FRMD7: variants seen among roughly 807,000 people sequenced by gnomAD.
FRMD7 encodes FERM domain-containing protein 7.
In FRMD7, 14 loss-of-function variants were observed where a neutral mutation model predicts 44.1. The observed-to-expected ratio is 0.32, with a 90% CI of 0.21 to 0.50. The LOEUF (loss-of-function observed/expected upper bound fraction) is 0.50. Among genes scored for constraint, FRMD7 ranks in the 20% least tolerant of loss-of-function variants. FRMD7 has a pLI of 0.99. For synonymous variants in FRMD7, 212 were observed against 187.4 expected (o/e 1.13, Z -1.07); for missense variants, 501 against 522.3 (o/e 0.96, Z 0.40).
chrX:132,092,300 T>C (rs1569343150), intron 5 of FRMD7, among the ~76,000 whole-genome samples: 1 of 111,316 alleles, frequency 9.0e-6, no homozygotes, highest in Non-Finnish European at 1.9e-5. Flanking sequence ...AATGTGGAGG[T>C]TCTTGAACGC....
intron 1 of FRMD7, among the ~76,000 whole-genome samples, chrX:132,112,019 T>C (rs767429442): frequency 1.8e-5 from 2 of 112,430 alleles, no homozygotes; most frequent in South Asian, 7.3e-4. Context: ...ACTGTTTTAC[T>C]TTTCGGTAAA....
chrX:132,099,615 C>G (rs1254195368), intron 2 of FRMD7, 105 bp from the exon 3 acceptor site: 1 of 538,356 alleles, frequency 1.9e-6, no homozygotes, highest in East Asian at 3.8e-5. Context: ...AGTACCAGGA[C>G]TATTTAGACT....
At chrX:132,087,695 T>A (rs1361661549) in intron 5 of FRMD7, among the ~76,000 whole-genome samples, 1 of 111,255 alleles carries the variant, frequency 9.0e-6, no homozygotes, top group African/African-American at 3.3e-5. Flanking sequence ...TAGCAACATA[T>A]TCTATGAGGT....
At chrX:132,115,125 C>T (rs371689912) in intron 1 of FRMD7, among the ~76,000 whole-genome samples, 1 of 112,576 alleles carries the variant, frequency 8.9e-6, no homozygotes, top group East Asian at 2.8e-4. Context: ...TTACAGCTTT[C>T]TGCCCCTTTT....
At position 132,082,406 on chromosome X, in the gene FRMD7, G is replaced by C; in HGVS notation, c.862C>G (p.Pro288Ala). 1.7e-6 allele frequency: 2 copies of C among 1,210,294 alleles called. No individual in the cohort carries two copies. The highest frequency in any genetic ancestry group is 2.2e-6 in the Non-Finnish European group (2 of 894,203). The part of the protein sequence containing the change: ...FRLSEEPKSK[P>A]KTLLCSKGSS... ...CCCTTGCTGCAGAGTAGGGTTTTGG[G>C]CTTTGATTTGGGCTCTTCCGAAAGC... is the stretch of plus-strand genomic sequence containing the variant. The change falls in exon 9 of 12, where the codon CCC becomes GCC. Residue 288 changes from proline (P) to alanine (A), a missense_variant. By Grantham distance (27) the Pro-to-Ala change is conservative. Around this residue, in one of 3 missense-constraint regions of FRMD7, gnomAD observed 453 missense variants for 452.7 expected, o/e 1.00. Transcript: ENST00000298542.
At chrX:132,086,175 T>C (rs1927983967) in intron 5 of FRMD7, 141 bp from the exon 6 acceptor site, 2 of 497,347 alleles carry the variant, frequency 4.0e-6, no homozygotes, top group Non-Finnish European at 3.6e-6. Flanking sequence ...ACGCTTTATG[T>C]ATATTTATGT....
At chrX:132,097,000 TGTA>T (rs1362827421) in intron 4 of FRMD7, among the ~76,000 whole-genome samples, 2 of 111,062 alleles carry the variant, frequency 1.8e-5, no homozygotes, top group Non-Finnish European at 3.8e-5. Context: ...CATTCATTGT[TGTA>T]GTAGTTAATG....
At position 132,099,573 on chromosome X, in the gene FRMD7, G is replaced by A. The variant is rs760280976; in HGVS notation, c.163-63C>T. 7.3e-4 allele frequency: 552 copies of A among 759,800 alleles called. 2 individuals are homozygous for A. In the African/African-American group the frequency reaches 8.5e-3, roughly 12 times the overall value. 62.6% of individuals were successfully genotyped at this position (759,800 alleles called of 1,213,427 possible). On this transcript the variant is annotated intron_variant, in intron 2 of 11. Transcript: ENST00000298542. ...CATTGAGCAGAGCTTTTTTTTTTTC[G>A]GTAATAGATAAAGATTAACATGAAA...
intron 5 of FRMD7, among the ~76,000 whole-genome samples, chrX:132,088,454 A>G (rs1928065198): frequency 9.1e-6 from 1 of 110,075 alleles, no homozygotes; most frequent in African/African-American, 3.3e-5. Context: ...GCTACTTTGG[A>G]GGCTGAGGTG....
In FRMD7 at chrX:132,094,054, G is replaced by A. The variant is rs374015466; in HGVS notation, c.370C>T (p.His124Tyr). ...ATTTGCTACTTACATTGTAAGATGT[G>A]AGATACCATCAACGCTGTACAGTTG... ...SDNCTALMVS[H>Y]ILQSELGDFH... Residue 124 changes from histidine (H) to tyrosine (Y), a missense_variant, in exon 5 of 12, where the codon CAC becomes TAC. Transcript: ENST00000298542. The A allele has an allele frequency of 3.1e-5, 35 of 1,142,191 alleles. No individual in the cohort carries two copies. Among genetic ancestry groups the A allele is most frequent in the Non-Finnish European group, 4.1e-5 (34 of 833,410 alleles). 94.1% of individuals were successfully genotyped at this position (1,142,191 alleles called of 1,213,427 possible).
chrX:132,116,660 C>T (rs973730918), intron 1 of FRMD7, among the ~76,000 whole-genome samples: 4 of 110,915 alleles, frequency 3.6e-5, no homozygotes, highest in African/African-American at 9.9e-5. Flanking sequence ...CACTGGGGCC[C>T]GTCAGGGTTG....
chrX:132,086,032 C>G lies in FRMD7; in HGVS notation c.385G>C (p.Glu129Gln). 8.8e-7 allele frequency: 1 copy of G among 1,137,088 alleles called. No homozygotes were observed. The allele number at this position is 1,137,088 out of a possible 1,213,427, so 93.7% of individuals were successfully genotyped here. Residue 129 changes from glutamate to glutamine, a missense_variant and splice_region_variant, in exon 6 of 12, where the codon GAA becomes CAA. By Grantham distance (29) the Glu-to-Gln change is conservative. This residue lies in a region of FRMD7 where 453 missense variants were observed against 452.7 expected (regional missense o/e 1.00). Transcript: ENST00000298542. ...ALMVSHILQS[E>Q]LGDFHEETDR... The stretch of plus-strand genomic sequence containing the variant: ...GTTTCTTCATGAAAGTCTCCAAGTT[C>G]TGCTGCATGACAGGAAAAAGACATT...
chrX:132,123,875 T>G (rs1389635072), intron 1 of FRMD7, among the ~76,000 whole-genome samples: 3 of 112,580 alleles, frequency 2.7e-5, no homozygotes, highest in Admixed American at 1.9e-4. Context: ...AAGTGAAACA[T>G]CATTTTGGAA....
At chrX:132,094,018 A>G (rs1188410655) in intron 5 of FRMD7, 24 bp downstream of exon 5, 11 of 973,369 alleles carry the variant, frequency 1.1e-5, no homozygotes, top group Non-Finnish European at 1.6e-5. Flanking sequence ...TAGGTCCCAA[A>G]GCAGACAGAC....
At chrX:132,093,655 G>A (rs1421863914) in intron 5 of FRMD7, among the ~76,000 whole-genome samples, 5 of 112,472 alleles carry the variant, frequency 4.4e-5, no homozygotes, top group East Asian at 2.8e-4. Context: ...CACAACAAAC[G>A]TGACAATGTG....
chrX:132,080,778 A>C (rs937326570), intron 9 of FRMD7, among the ~76,000 whole-genome samples: 1 of 111,467 alleles, frequency 9.0e-6, no homozygotes, highest in African/African-American at 3.3e-5. Context: ...ATGTCACTGC[A>C]CTCCAGCCTG....
rs1439395184 is a variant in FRMD7 at position 132,078,154 on chromosome X, G to A, written c.1863C>T (p.Asp621=). 2 of 1,210,947 alleles carry A rather than the reference G, an allele frequency of 1.7e-6. No individual in the cohort carries two copies. The highest frequency in any genetic ancestry group is 3.5e-5 in the South Asian group (2 of 56,962). Residue 621 remains aspartate, a synonymous_variant, in exon 12 of 12, where the codon GAC becomes GAT. Transcript: ENST00000298542. ...GPCPALSHKA[D]LFTDMFAEQE... ...GCTCTGCAAACATATCCGTAAACAG[G>A]TCTGCTTTATGACTGAGAGCAGGAC...
rs1177758184 is a variant in FRMD7 at position 132,104,636 on chromosome X, T to A, written c.58-3920A>T. Among the ~76,000 whole-genome samples, 7 of 111,453 alleles carry A rather than the reference T, an allele frequency of 6.3e-5. No individual in the cohort carries two copies. In the East Asian group the frequency reaches 2.0e-3, roughly 31 times the overall value. On this transcript the variant is annotated intron_variant, in intron 1 of 11. Coordinates refer to ENST00000298542, the MANE Select transcript of FRMD7 (RefSeq NM_194277.3). ...TGAACCCGGGAGGCGGAGCTTGCAG[T>A]GAGCTGAAATCGTGCCACTGCACTC...
Position 132,127,869 on chromosome X carries a change from A to G in FRMD7, c.-25T>C. ...TTCTCAGCGAGGCCGTTGGGCTGCA[A>G]GCAGGCTCAGAGTGCTGTGGGTGCT... is the stretch of plus-strand genomic sequence containing the variant. On this transcript the variant is annotated 5_prime_UTR_variant, in exon 1 of 12. Transcript: ENST00000298542. 8.5e-7 allele frequency: 1 copy of G among 1,179,660 alleles called. No individual in the cohort carries two copies. The highest frequency in any genetic ancestry group is 1.2e-6 in the Non-Finnish European group (1 of 866,186).
Sources: gnomAD v4.1 joint callset for allele counts (sites outside exome capture counted in the v4.1 genomes callset) on GRCh38, gnomAD v4.1.1 for gene constraint, gnomAD v4.1.1 regional missense constraint, MANE v1.5 for transcripts, NCBI Gene and HGNC (gene_info 2026-07-23, HGNC 2026-07-21) for gene names.